The following ADGRB3 variants were observed in gnomAD, a reference collection of about 807,000 sequenced individuals.
The protein encoded by ADGRB3 is adhesion G protein-coupled receptor B3, also known as brain-specific angiogenesis inhibitor 3.
ADGRB3 carries 37 observed loss-of-function variants against 193.4 expected under a neutral mutation model. The ratio of observed to expected loss-of-function variants is 0.19; its 90% CI spans 0.15 to 0.25. The LOEUF (loss-of-function observed/expected upper bound fraction) is 0.25. Ranked by LOEUF, ADGRB3 falls within the 10% of genes least tolerant of loss-of-function variation. ADGRB3 has a pLI of 1.00. For synonymous variants in ADGRB3, 690 were observed against 644.2 expected (o/e 1.07, Z -1.08); for missense variants, 1,637 against 1,852.9 (o/e 0.88, Z 2.14).
At chr6:69,145,564 T>C (rs2150339314) in intron 17 of ADGRB3, among the ~76,000 whole-genome samples, 1 of 152,312 alleles carries the variant, frequency 6.6e-6, no homozygotes, top group East Asian at 1.9e-4. Flanking sequence ...TTACAGCTCT[T>C]TCAGCCCTGG....
chr6:69,215,453 CGT>C (rs10651298), intron 17 of ADGRB3, among the ~76,000 whole-genome samples: 40,554 of 146,300 alleles, frequency 0.28, 6,044 homozygotes, highest in African/African-American at 0.41. Context: ...TGAACAGAAA[CGT>C]GTGTGTGTGT....
intron 3 of ADGRB3, among the ~76,000 whole-genome samples, chr6:68,903,752 A>G (rs1640893572): frequency 6.6e-6 from 1 of 151,908 alleles, no homozygotes; most frequent in South Asian, 2.1e-4. Context: ...CATGCCTGAA[A>G]TCCCATCGCT....
intron 3 of ADGRB3, among the ~76,000 whole-genome samples, chr6:68,835,053 AGAG>A (rs1450631505): frequency 6.6e-6 from 1 of 152,170 alleles, no homozygotes; most frequent in African/African-American, 2.4e-5. Context: ...ATACACTATT[AGAG>A]GAGAATTGTA....
chr6:69,222,828 A>T (rs1031907995), intron 17 of ADGRB3, among the ~76,000 whole-genome samples: 63 of 152,230 alleles, frequency 4.1e-4, no homozygotes, highest in South Asian at 1.2e-3. Context: ...ATTGATTTTT[A>T]AAAAAAGAAT....
chr6:69,125,450 T>C (rs1773827095), intron 17 of ADGRB3, among the ~76,000 whole-genome samples: 1 of 152,060 alleles, frequency 6.6e-6, no homozygotes, highest in Non-Finnish European at 1.5e-5. Flanking sequence ...GACCTCACGA[T>C]TGTGATTAGT....
At chr6:68,720,146 C>A (rs1765552136) in intron 3 of ADGRB3, among the ~76,000 whole-genome samples, 1 of 151,696 alleles carries the variant, frequency 6.6e-6, no homozygotes, top group Admixed American at 6.6e-5. Context: ...GCCTATGGAC[C>A]TGCTTTGGGG....
At chr6:68,756,335 T>G (rs184063720) in intron 3 of ADGRB3, among the ~76,000 whole-genome samples, 1 of 152,316 alleles carries the variant, frequency 6.6e-6, no homozygotes, top group African/African-American at 2.4e-5. Context: ...AGTTAAGAAC[T>G]AAAACAATTT....
At chr6:69,256,443 G>A (rs1766773552) in intron 20 of ADGRB3, among the ~76,000 whole-genome samples, 1 of 152,038 alleles carries the variant, frequency 6.6e-6, no homozygotes, top group South Asian at 2.1e-4. Context: ...GGATTCCTAG[G>A]TATTTTATTC....
chr6:68,647,143 A>C (rs1378735327), intron 3 of ADGRB3, among the ~76,000 whole-genome samples: 1 of 152,204 alleles, frequency 6.6e-6, no homozygotes, highest in Non-Finnish European at 1.5e-5. Flanking sequence ...TACATTAAGC[A>C]TGGATTTCTT....
At chr6:68,888,091 T>C (rs540630213) in intron 3 of ADGRB3, among the ~76,000 whole-genome samples, 6 of 152,218 alleles carry the variant, frequency 3.9e-5, no homozygotes, top group African/African-American at 1.4e-4. Context: ...AGCTAGAGGC[T>C]TATGTGAAAA....
chr6:69,122,703 A>G (rs1305656558), intron 17 of ADGRB3, among the ~76,000 whole-genome samples: 1 of 151,990 alleles, frequency 6.6e-6, no homozygotes, highest in Non-Finnish European at 1.5e-5. Context: ...GCAAGAAAGG[A>G]TATTCAAGCT....
At position 68,943,819 on chromosome 6, in the gene ADGRB3, C is replaced by CT. The variant is rs769411302; in HGVS notation, c.1031-8dup. 10 of 1,586,464 alleles carry CT rather than the reference C, an allele frequency of 6.3e-6. No homozygotes were observed. In the East Asian group the frequency reaches 2.2e-4, roughly 36 times the overall value. ...TGCTTTTGTTGTTGAAGCTTCTTTG[C>CT]TTTATTACAGTACACGGAGTATGGG... On this transcript the variant is annotated splice_polypyrimidine_tract_variant and intron_variant, in intron 5 of 31. Transcript: ENST00000370598.
intron 3 of ADGRB3, among the ~76,000 whole-genome samples, chr6:68,692,727 A>G (rs1765096217): frequency 6.6e-6 from 1 of 151,642 alleles, no homozygotes; most frequent in South Asian, 2.1e-4. Flanking sequence ...AATGTTGTAC[A>G]AGTTATTTAT....
At chr6:68,876,603 A>G (rs1047584554) in intron 3 of ADGRB3, among the ~76,000 whole-genome samples, 3 of 152,128 alleles carry the variant, frequency 2.0e-5, no homozygotes, top group Non-Finnish European at 4.4e-5. Context: ...GGCTTTTTTG[A>G]CCAAAATATT....
chr6:68,945,883 G>A (rs1767763588), intron 6 of ADGRB3, among the ~76,000 whole-genome samples: 1 of 152,066 alleles, frequency 6.6e-6, no homozygotes. Context: ...AAGTTTTTAA[G>A]CTACTTGGAT....
rs1768359058 is a variant in ADGRB3, at chr6:69,318,135, G to A, written c.2815-6737G>A. On this transcript the variant is annotated intron_variant, in intron 20 of 31. Coordinates refer to ENST00000370598, the MANE Select transcript of ADGRB3 (RefSeq NM_001704.3). ...ACAACTTAGAATAATAGAAGTGATG[G>A]TAGACATCTTCCTTTTTTTCATGAC... Among the ~76,000 whole-genome samples the A allele has an allele frequency of 2.6e-5, 4 of 151,034 alleles. No individual in the cohort carries two copies. The South Asian group carries it at 8.3e-4, about 31-fold the overall frequency.
At chr6:68,772,890 A>ATATATATAT (rs1554191366) in intron 3 of ADGRB3, among the ~76,000 whole-genome samples, 4 of 46,112 alleles carry the variant, frequency 8.7e-5, no homozygotes, top group African/African-American at 1.2e-4. Flanking sequence ...AACAAAAAAA[A>ATATATATAT]AAAAATATAT....
intron 12 of ADGRB3, among the ~76,000 whole-genome samples, chr6:69,018,077 G>T (rs1351227816): frequency 6.6e-6 from 1 of 151,776 alleles, no homozygotes; most frequent in African/African-American, 2.4e-5. Context: ...TCTATGTTTT[G>T]TTAAGTGATG....
At chr6:68,804,040 A>G (rs1191725762) in intron 3 of ADGRB3, among the ~76,000 whole-genome samples, 1 of 152,164 alleles carries the variant, frequency 6.6e-6, no homozygotes, top group East Asian at 1.9e-4. Flanking sequence ...CCTGTTTCCT[A>G]GGAGCTCAAG....
Sources: gnomAD v4.1 joint callset for allele counts (sites outside exome capture counted in the v4.1 genomes callset) on GRCh38, gnomAD v4.1.1 for gene constraint, MANE v1.5 for transcripts, NCBI Gene and HGNC (gene_info 2026-07-23, HGNC 2026-07-21) for gene names.